PRKG1: variants seen among roughly 807,000 people sequenced by gnomAD.
The protein encoded by PRKG1 is protein kinase cGMP-dependent 1, also known as cGMP-dependent protein kinase 1.
PRKG1 carries 35 observed loss-of-function variants against 88.1 expected under a neutral mutation model. The ratio of observed to expected loss-of-function variants is 0.40; its 90% CI spans 0.30 to 0.53. The LOEUF (loss-of-function observed/expected upper bound fraction) is 0.53, where lower values mean the gene tolerates loss of function less well. Among genes scored for constraint, PRKG1 ranks in the 20% least tolerant of loss-of-function variants. The pLI is 0.59. For synonymous variants in PRKG1, 303 were observed against 292.5 expected, an observed-to-expected ratio of 1.04 and a Z score of -0.37; for missense variants, 540 against 839.8, an observed-to-expected ratio of 0.64 and a Z score of 4.41.
rs79489764 is a variant in PRKG1 at position 52,269,169 on chromosome 10, G to T, written c.1174-2181G>T. 4.2e-3 allele frequency among the ~76,000 whole-genome samples: 641 copies of T among 152,152 alleles called. 5 individuals carry two copies. Among genetic ancestry groups the T allele is most frequent in the African/African-American group, 0.015 (617 of 41,538 alleles). The stretch of plus-strand genomic sequence containing the variant: ...CAACAGTCCTCACTAGTTTAACTGG[G>T]AATGACTCTGAAGAGGGAATATGAC... On this transcript the variant is annotated intron_variant, in intron 10 of 17. Coordinates refer to ENST00000373980, the MANE Select transcript of PRKG1 (RefSeq NM_006258.4).
chr10:51,712,783 G>T (rs1353432654), intron 3 of PRKG1, among the ~76,000 whole-genome samples: 1 of 151,540 alleles, frequency 6.6e-6, no homozygotes, highest in Non-Finnish European at 1.5e-5. Context: ...TAGAGACGGG[G>T]TTTCACCATG....
At chr10:51,523,151 G>A (rs1841781562) in intron 3 of PRKG1, among the ~76,000 whole-genome samples, 2 of 152,056 alleles carry the variant, frequency 1.3e-5, no homozygotes, top group African/African-American at 4.8e-5. Context: ...CTTTAAAATA[G>A]CAATGTTAGG....
At chr10:51,527,772 T>C (rs1415852845) in intron 3 of PRKG1, among the ~76,000 whole-genome samples, 8 of 152,248 alleles carry the variant, frequency 5.3e-5, no homozygotes, top group South Asian at 2.1e-4. Context: ...GTCTTTTGTT[T>C]CCTTTTCTCT....
chr10:51,698,060 C>A, intron 3 of PRKG1: 1 of 1,614,114 alleles, frequency 6.2e-7, no homozygotes, highest in East Asian at 2.2e-5. Context: ...CCCTGAAATG[C>A]CTGGGACCTG....
intron 1 of PRKG1, among the ~76,000 whole-genome samples, chr10:51,148,903 C>A (rs531571497): frequency 5.9e-5 from 9 of 152,166 alleles, no homozygotes; most frequent in Admixed American, 3.9e-4. Context: ...AAATCATACC[C>A]CTTTTTATAG....
chr10:51,762,183 G>A (rs1048534813), intron 3 of PRKG1, among the ~76,000 whole-genome samples: 8 of 152,134 alleles, frequency 5.3e-5, no homozygotes, highest in Non-Finnish European at 1.2e-4. Flanking sequence ...TTCAAAGGAT[G>A]GTGAATAAGG....
chr10:51,311,884 C>T (rs1338065274), intron 2 of PRKG1, among the ~76,000 whole-genome samples: 2 of 151,356 alleles, frequency 1.3e-5, no homozygotes, highest in African/African-American at 2.4e-5. Context: ...ATTTTTTTTT[C>T]GTGGGGGATG....
chr10:51,333,728 T>C (rs1007524942), intron 2 of PRKG1, among the ~76,000 whole-genome samples: 1 of 152,196 alleles, frequency 6.6e-6, no homozygotes, highest in Non-Finnish European at 1.5e-5. Context: ...GTGAACATGA[T>C]TTTTCATGCT....
intron 5 of PRKG1, among the ~76,000 whole-genome samples, chr10:51,947,636 T>G (rs994287160): frequency 6.6e-6 from 1 of 152,118 alleles, no homozygotes; most frequent in Non-Finnish European, 1.5e-5. Flanking sequence ...TTTAAATTCA[T>G]AAAGTGTGAA....
intron 2 of PRKG1, among the ~76,000 whole-genome samples, chr10:51,216,864 T>G (rs1403097123): frequency 6.6e-6 from 1 of 152,186 alleles, no homozygotes; most frequent in Non-Finnish European, 1.5e-5. Context: ...TTGCTGAATA[T>G]CAGGCTACTA....
chr10:51,070,003 A>T (rs1482840419), upstream of PRKG1, among the ~76,000 whole-genome samples: 2 of 152,102 alleles, frequency 1.3e-5, no homozygotes, highest in East Asian at 3.8e-4. Context: ...CTGCTCTTTC[A>T]GGATTTTCCA....
intron 2 of PRKG1, among the ~76,000 whole-genome samples, chr10:51,222,885 T>C (rs746369617): frequency 6.6e-6 from 1 of 152,172 alleles, no homozygotes; most frequent in African/African-American, 2.4e-5. Context: ...ATGTAAGGTA[T>C]ACATATGTAT....
intron 3 of PRKG1, among the ~76,000 whole-genome samples, chr10:51,735,701 C>A (rs1349276485): frequency 6.6e-6 from 1 of 151,564 alleles, no homozygotes; most frequent in Non-Finnish European, 1.5e-5. Context: ...GTTATAATAC[C>A]TAATACAAAA....
intron 9 of PRKG1, among the ~76,000 whole-genome samples, chr10:52,192,141 A>G (rs923069373): frequency 6.6e-6 from 1 of 152,038 alleles, no homozygotes; most frequent in Non-Finnish European, 1.5e-5. Context: ...TATATATTCA[A>G]TATGTTGAGT....
intron 5 of PRKG1, among the ~76,000 whole-genome samples, chr10:51,943,448 C>A (rs566801576): frequency 6.6e-6 from 1 of 152,080 alleles, no homozygotes; most frequent in Admixed American, 6.5e-5. Context: ...CTTTTATTTC[C>A]TTCTCCTGCC....
At chr10:51,130,078 A>C (rs1845526795) in intron 1 of PRKG1, among the ~76,000 whole-genome samples, 1 of 152,150 alleles carries the variant, frequency 6.6e-6, no homozygotes, top group African/African-American at 2.4e-5. Flanking sequence ...ACAGGAAACG[A>C]CTGGAAAACT....
intron 1 of PRKG1, among the ~76,000 whole-genome samples, chr10:51,009,938 A>G (rs911578211): frequency 2.0e-5 from 3 of 152,218 alleles, no homozygotes; most frequent in South Asian, 2.1e-4. Flanking sequence ...GCCTGCTATC[A>G]GAGATTTTGG....
intron 3 of PRKG1, among the ~76,000 whole-genome samples, chr10:51,647,657 A>G (rs543618944): frequency 2.1e-4 from 32 of 152,336 alleles, no homozygotes; most frequent in African/African-American, 6.7e-4. Context: ...AAGAGGAACT[A>G]ACTGTAACCC....
rs181561912 is a variant in PRKG1, at chr10:51,591,911, C to A, written c.592+124075C>A. Among the ~76,000 whole-genome samples the A allele has an allele frequency of 3.3e-5, 5 of 152,274 alleles. No homozygotes were observed. The East Asian group carries it at 7.7e-4, about 23-fold the overall frequency. On this transcript the variant is annotated intron_variant, in intron 3 of 17. Transcript: ENST00000373980. ...GCTTTCATTTCACACTTAAGAGCCC[C>A]TTTTAAGAGCATAAGCAAATTAAAA...
Sources: gnomAD v4.1 joint callset for allele counts (sites outside exome capture counted in the v4.1 genomes callset) on GRCh38, gnomAD v4.1.1 for gene constraint, MANE v1.5 for transcripts, NCBI Gene and HGNC (gene_info 2026-07-23, HGNC 2026-07-21) for gene names.